The following BICRAL variants were observed in gnomAD, a reference collection of about 807,000 sequenced individuals.
The protein encoded by BICRAL is BICRA like chromatin remodeling complex associated protein, also known as BRD4-interacting chromatin-remodeling complex-associated protein-like.
A neutral mutation model predicts 91.8 loss-of-function variants in BICRAL; 8 were observed. The observed-to-expected ratio is 0.09, with a 90% CI of 0.05 to 0.16. The LOEUF is 0.16. Ranked by LOEUF, BICRAL falls within the 10% of genes least tolerant of loss-of-function variation. The probability of loss-of-function intolerance (pLI) is 1.00; values close to 1 mark genes in which losing one functional copy is unlikely to be tolerated. For missense variants in BICRAL, 1,038 were observed against 1,310.9 expected (o/e 0.79, Z 3.21); for synonymous variants, 445 against 491.1 (o/e 0.91, Z 1.24).
chr6:42,791,710 C>T (rs1370332617), intron 1 of BICRAL, among the ~76,000 whole-genome samples: 1 of 152,114 alleles, frequency 6.6e-6, no homozygotes, highest in Non-Finnish European at 1.5e-5. Flanking sequence ...GCGGTCTTCT[C>T]ACCTCGGCCT....
At chr6:42,747,704 A>G (rs1762301840) in intron 1 of BICRAL, among the ~76,000 whole-genome samples, 2 of 152,210 alleles carry the variant, frequency 1.3e-5, no homozygotes. Flanking sequence ...GGGTGCCGAA[A>G]AACAATGGTG....
chr6:42,783,185 C>T (rs1275462606), intron 1 of BICRAL, among the ~76,000 whole-genome samples: 2 of 151,592 alleles, frequency 1.3e-5, no homozygotes, highest in Non-Finnish European at 2.9e-5. Context: ...TGCCGCGGGA[C>T]TGCCCCTTCC....
chr6:42,753,565 A>G (rs891478006), intron 1 of BICRAL, among the ~76,000 whole-genome samples: 6 of 152,190 alleles, frequency 3.9e-5, no homozygotes, highest in Non-Finnish European at 8.8e-5. Context: ...TGCAAGGAGT[A>G]GTTATAGATA....
intron 1 of BICRAL, among the ~76,000 whole-genome samples, chr6:42,762,019 C>T (rs1762558608): frequency 6.6e-6 from 1 of 152,168 alleles, no homozygotes; most frequent in East Asian, 1.9e-4. Flanking sequence ...TACAGTAGCT[C>T]CTCAAAAATG....
Position 42,867,592 on chromosome 6 carries a change from C to T in BICRAL, c.*2146C>T, listed in dbSNP as rs1765748813. 2 of 152,526 alleles carry T rather than the reference C, an allele frequency of 1.3e-5. No individual in the cohort carries two copies. The highest frequency in any genetic ancestry group is 2.9e-5 in the Non-Finnish European group (2 of 68,032). The allele number at this position is 152,526 out of a possible 1,614,324, so 9.4% of individuals were successfully genotyped here. ...AATTCTTCTCATTGCAGAACTTTAT[C>T]CCTGGAAGCCTTCATGTGGGCTGCT... On this transcript the variant is annotated 3_prime_UTR_variant, in exon 13 of 13. Transcript: ENST00000314073.
intron 10 of BICRAL, 56 bp from the exon 11 acceptor site, chr6:42,860,206 G>A: frequency 1.0e-6 from 1 of 967,380 alleles, no homozygotes; most frequent in South Asian, 1.3e-5. Flanking sequence ...AGAAACAGAA[G>A]ACCTAGTCAG....
intron 1 of BICRAL, among the ~76,000 whole-genome samples, chr6:42,755,874 G>T (rs181751947): frequency 3.8e-4 from 58 of 151,674 alleles, no homozygotes; most frequent in African/African-American, 1.4e-3. Flanking sequence ...GGGTTTCACC[G>T]TGTTGCCCAG....
At chr6:42,756,911 T>TCC (rs1762470441) in intron 1 of BICRAL, among the ~76,000 whole-genome samples, 2 of 89,980 alleles carry the variant, frequency 2.2e-5, no homozygotes, top group South Asian at 4.9e-4. Context: ...TCTCTCTCTC[T>TCC]CTCCCTCTCC....
chr6:42,855,488 G>A (rs2114025057), intron 8 of BICRAL, among the ~76,000 whole-genome samples: 1 of 152,218 alleles, frequency 6.6e-6, no homozygotes, highest in Middle Eastern at 3.4e-3. Flanking sequence ...GTTGCAGTGA[G>A]CCGAGATTGT....
At chr6:42,762,352 A>G (rs368915660) in intron 1 of BICRAL, among the ~76,000 whole-genome samples, 11 of 152,358 alleles carry the variant, frequency 7.2e-5, no homozygotes, top group Middle Eastern at 3.4e-3. Context: ...AATGAAAGGA[A>G]AAGATAAAGA....
chr6:42,836,462 A>G (rs904637600), intron 6 of BICRAL, among the ~76,000 whole-genome samples: 4 of 152,118 alleles, frequency 2.6e-5, no homozygotes, highest in Non-Finnish European at 4.4e-5. Context: ...TGTTTCCGCT[A>G]TAAGTTTTCA....
intron 6 of BICRAL, among the ~76,000 whole-genome samples, chr6:42,837,841 G>T (rs1015703432): frequency 1.3e-5 from 2 of 151,998 alleles, no homozygotes; most frequent in African/African-American, 4.8e-5. Context: ...CACCCACCCA[G>T]TTGCCATCAG....
chr6:42,808,843 G>A (rs867519946), intron 1 of BICRAL, among the ~76,000 whole-genome samples: 8 of 152,100 alleles, frequency 5.3e-5, no homozygotes, highest in African/African-American at 1.7e-4. Context: ...AGAGGTTGGA[G>A]CTTCTTTGTC....
intron 11 of BICRAL, among the ~76,000 whole-genome samples, chr6:42,862,193 A>T (rs1394078513): frequency 6.6e-6 from 1 of 152,100 alleles, no homozygotes; most frequent in Non-Finnish European, 1.5e-5. Flanking sequence ...AACAGTATAT[A>T]TAGTTGCTAC....
intron 2 of BICRAL, among the ~76,000 whole-genome samples, chr6:42,810,867 C>A (rs1192588875): frequency 1.3e-5 from 2 of 152,180 alleles, no homozygotes; most frequent in Non-Finnish European, 2.9e-5. Context: ...ATTTCCTAAG[C>A]TGTTTTTCAA....
At chr6:42,805,639 G>A (rs919728485) in intron 1 of BICRAL, among the ~76,000 whole-genome samples, 4 of 152,086 alleles carry the variant, frequency 2.6e-5, no homozygotes, top group Non-Finnish European at 4.4e-5. Flanking sequence ...GTTCATTGGT[G>A]AACAGACACA....
At chr6:42,850,600 G>A (rs1041068788) in intron 6 of BICRAL, among the ~76,000 whole-genome samples, 28 of 151,842 alleles carry the variant, frequency 1.8e-4, no homozygotes, top group African/African-American at 6.0e-4. Flanking sequence ...AAAAACTGAG[G>A]GTAGGTAGGG....
At chr6:42,838,277 T>G (rs865969101) in intron 6 of BICRAL, among the ~76,000 whole-genome samples, 6 of 152,340 alleles carry the variant, frequency 3.9e-5, no homozygotes, top group Non-Finnish European at 7.3e-5. Flanking sequence ...TCACATCTCT[T>G]TAGTCTGTAA....
intron 6 of BICRAL, among the ~76,000 whole-genome samples, chr6:42,837,462 T>A (rs1198702398): frequency 2.6e-5 from 4 of 151,626 alleles, no homozygotes; most frequent in Non-Finnish European, 5.9e-5. Context: ...GTTCAAAAAA[T>A]CAAATGGGGC....
Sources: gnomAD v4.1 joint callset for allele counts (sites outside exome capture counted in the v4.1 genomes callset) on GRCh38, gnomAD v4.1.1 for gene constraint, MANE v1.5 for transcripts, NCBI Gene and HGNC (gene_info 2026-07-23, HGNC 2026-07-21) for gene names.